Variants in AGBL4 observed in about 807,000 individuals in gnomAD.
AGBL4 encodes the protein cytosolic carboxypeptidase 6.
A neutral mutation model predicts 66.4 loss-of-function variants in AGBL4; 58 were observed. The ratio of observed to expected loss-of-function variants is 0.87; its 90% CI spans 0.71 to 1.09. The LOEUF is 1.09. AGBL4 is among the 50% of genes least tolerant of loss of function. The pLI is 0.00. For synonymous variants in AGBL4, 234 were observed against 222.9 expected (o/e 1.05, Z -0.44); for missense variants, 579 against 631.0 (o/e 0.92, Z 0.88).
chr1:49,702,750 G>T (rs1647123802), intron 2 of AGBL4, among the ~76,000 whole-genome samples: 1 of 152,038 alleles, frequency 6.6e-6, no homozygotes, highest in Non-Finnish European at 1.5e-5. Context: ...TATACACCAT[G>T]ACAGGTGAGA....
intron 6 of AGBL4, among the ~76,000 whole-genome samples, chr1:48,707,382 A>G (rs560854689): frequency 2.2e-3 from 330 of 152,270 alleles, no homozygotes; most frequent in Non-Finnish European, 3.6e-3. Flanking sequence ...GCACTGGGCA[A>G]TTGTGGGAAA....
intron 4 of AGBL4, among the ~76,000 whole-genome samples, chr1:49,057,645 C>A (rs949979081): frequency 6.6e-6 from 1 of 152,116 alleles, no homozygotes; most frequent in African/African-American, 2.4e-5. Flanking sequence ...GGTTTCTACT[C>A]ATCTTTTTTG....
chr1:49,581,866 T>C (rs1222187790), intron 3 of AGBL4, among the ~76,000 whole-genome samples: 1 of 152,160 alleles, frequency 6.6e-6, no homozygotes, highest in Non-Finnish European at 1.5e-5. Context: ...ACGAGGCAAG[T>C]GAGTGGGCTC....
chr1:49,927,508 A>G (rs1228027889), intron 1 of AGBL4, among the ~76,000 whole-genome samples: 1 of 152,138 alleles, frequency 6.6e-6, no homozygotes, highest in African/African-American at 2.4e-5. Flanking sequence ...AGACTCAAGC[A>G]TTATCACAAG....
chr1:49,277,594 C>A (rs1644193427), intron 3 of AGBL4, among the ~76,000 whole-genome samples: 1 of 151,888 alleles, frequency 6.6e-6, no homozygotes, highest in Admixed American at 6.6e-5. Flanking sequence ...GCTAAATATT[C>A]CACTAGATAG....
intron 6 of AGBL4, among the ~76,000 whole-genome samples, chr1:48,694,059 A>T (rs2148496598): frequency 6.6e-6 from 1 of 151,998 alleles, no homozygotes; most frequent in East Asian, 1.9e-4. Flanking sequence ...AAAAAAAAAA[A>T]AAAAAAAAAA....
chr1:48,673,355 G>A (rs1223342437), intron 6 of AGBL4, among the ~76,000 whole-genome samples: 1 of 150,828 alleles, frequency 6.6e-6, no homozygotes, highest in Non-Finnish European at 1.5e-5. Context: ...TGTAGGCCTG[G>A]GAGTAATGTG....
chr1:49,649,492 G>A (rs1299293376), intron 3 of AGBL4, among the ~76,000 whole-genome samples: 1 of 152,108 alleles, frequency 6.6e-6, no homozygotes, highest in African/African-American at 2.4e-5. Context: ...AGAACTGCAA[G>A]TAGAAACAGA....
downstream of AGBL4, among the ~76,000 whole-genome samples, chr1:48,529,848 G>T (rs12072622): frequency 1.4e-3 from 220 of 152,206 alleles, 1 homozygote; most frequent in African/African-American, 5.1e-3. Flanking sequence ...GGGATAAATG[G>T]GCCCCTTGCC....
At chr1:49,611,135 AAAG>A (rs1300357653) in intron 3 of AGBL4, among the ~76,000 whole-genome samples, 1 of 152,144 alleles carries the variant, frequency 6.6e-6, no homozygotes, top group African/African-American at 2.4e-5. Context: ...CTTTAAGAGA[AAAG>A]AAATAAAAAT....
chr1:49,842,204 C>A, intron 2 of AGBL4: 1 of 429,650 alleles, frequency 2.3e-6, no homozygotes, highest in South Asian at 2.1e-5. Context: ...GGACTTCAGC[C>A]AGGAGGAGTG....
intron 3 of AGBL4, among the ~76,000 whole-genome samples, chr1:49,659,286 C>A (rs1272223660): frequency 1.3e-5 from 2 of 152,042 alleles, no homozygotes; most frequent in Admixed American, 6.6e-5. Flanking sequence ...TAGCATCATG[C>A]TAACAGGATC....
intron 1 of AGBL4, among the ~76,000 whole-genome samples, chr1:49,924,335 C>T (rs907744641): frequency 1.3e-5 from 2 of 152,044 alleles, no homozygotes; most frequent in African/African-American, 2.4e-5. Flanking sequence ...AAATAACTAA[C>T]GGGTGCTGGC....
chr1:49,649,033 G>A (rs1021337615), intron 3 of AGBL4, among the ~76,000 whole-genome samples: 4 of 152,076 alleles, frequency 2.6e-5, no homozygotes, highest in African/African-American at 7.2e-5. Context: ...ACACACTTAT[G>A]TATGCTTATG....
chr1:49,778,182 T>G (rs3899856), intron 2 of AGBL4, among the ~76,000 whole-genome samples: 78,828 of 151,982 alleles, frequency 0.52, 21,752 homozygotes, highest in Non-Finnish European at 0.62. Context: ...TGAGTGGGCT[T>G]GCATTACTCT....
chr1:49,077,095 C>CGTGTGT (rs3043747), intron 4 of AGBL4, among the ~76,000 whole-genome samples: 2 of 150,546 alleles, frequency 1.3e-5, no homozygotes, highest in South Asian at 2.1e-4. Context: ...CTTCTGTGTG[C>CGTGTGT]GTGTGTGTGT....
chr1:48,987,162 A>G (rs1660242921), intron 5 of AGBL4, among the ~76,000 whole-genome samples: 1 of 151,984 alleles, frequency 6.6e-6, no homozygotes, highest in Non-Finnish European at 1.5e-5. Flanking sequence ...GAAAACAGAA[A>G]CAAAGACTAG....
chr1:49,745,341 G>T (rs190990681), intron 2 of AGBL4, among the ~76,000 whole-genome samples: 59 of 152,086 alleles, frequency 3.9e-4, no homozygotes, highest in Non-Finnish European at 5.7e-4. Flanking sequence ...TTGAGACAGA[G>T]AGAGATACCA....
chr1:49,050,557 T>A, intron 4 of AGBL4, among the ~76,000 whole-genome samples: 1 of 152,124 alleles, frequency 6.6e-6, no homozygotes, highest in East Asian at 1.9e-4. Context: ...TAGTGAAACT[T>A]TAAGTCATGC....
Sources: allele counts gnomAD v4.1 joint callset (sites outside exome capture counted in the v4.1 genomes callset), GRCh38; gene constraint gnomAD v4.1.1; transcripts MANE v1.5; gene names NCBI Gene and HGNC (gene_info 2026-07-23, HGNC 2026-07-21).